The following FSIP1 variants were observed in gnomAD, a reference collection of about 807,000 sequenced individuals.
FSIP1 encodes the protein fibrous sheath interacting protein 1, also known as fibrous sheath-interacting protein 1.
Under a neutral mutation model 60.9 loss-of-function variants are expected in FSIP1, and 65 were observed. That is an observed-to-expected ratio of 1.07 (90% CI 0.87 to 1.31). FSIP1 has a LOEUF of 1.31. FSIP1 is among the 40% of genes most tolerant of loss of function. The probability of loss-of-function intolerance (pLI) is 0.00; values close to 1 mark genes in which losing one functional copy is unlikely to be tolerated. For synonymous variants in FSIP1, 209 were observed against 221.2 expected (o/e 0.94, Z 0.49); for missense variants, 675 against 665.5 (o/e 1.01, Z -0.16).
intron 9 of FSIP1, among the ~76,000 whole-genome samples, chr15:39,723,084 T>A (rs1896047342): frequency 6.6e-6 from 1 of 152,192 alleles, no homozygotes; most frequent in Admixed American, 6.5e-5. Context: ...TGCTAAACAC[T>A]TTATGTATAT....
chr15:39,682,157 A>G (rs1366896829), intron 10 of FSIP1, among the ~76,000 whole-genome samples: 3 of 152,208 alleles, frequency 2.0e-5, no homozygotes, highest in Non-Finnish European at 2.9e-5. Context: ...TACAAATGAT[A>G]TACTGTAATT....
chr15:39,605,209 T>G lies in FSIP1; in HGVS notation c.1700-4283A>C, dbSNP rs77710895. ...GCTTTCTTTCATCTAAACTGAAATC[T>G]ATAGTTCTCAAGTGTTCACAGTGAA... On this transcript the variant is annotated intron_variant, in intron 11 of 11. Transcript: ENST00000350221. 2.7e-3 allele frequency among the ~76,000 whole-genome samples: 409 copies of G among 152,344 alleles called. 2 individuals are homozygous for G. The highest frequency in any genetic ancestry group is 9.2e-3 in the African/African-American group (383 of 41,586).
chr15:39,680,643 CTG>C (rs1025112761), intron 10 of FSIP1, among the ~76,000 whole-genome samples: 86 of 152,314 alleles, frequency 5.6e-4, no homozygotes, highest in African/African-American at 2.1e-3. Context: ...TCCTTGGTAA[CTG>C]TAGAACCACA....
chr15:39,651,263 G>T (rs1326520899), intron 10 of FSIP1, among the ~76,000 whole-genome samples: 1 of 152,152 alleles, frequency 6.6e-6, no homozygotes, highest in Non-Finnish European at 1.5e-5. Context: ...ACTGGAAAAA[G>T]ATCATCACAA....
At chr15:39,775,330 A>C (rs1595408910) in intron 2 of FSIP1, among the ~76,000 whole-genome samples, 1 of 152,106 alleles carries the variant, frequency 6.6e-6, no homozygotes, top group African/African-American at 2.4e-5. Flanking sequence ...ATAATGCAGA[A>C]TCTAGTCTAC....
At chr15:39,714,233 A>G (rs1408710481) in intron 9 of FSIP1, among the ~76,000 whole-genome samples, 1 of 152,184 alleles carries the variant, frequency 6.6e-6, no homozygotes, top group Non-Finnish European at 1.5e-5. Context: ...AGTATTACAT[A>G]ATGAAAGTAC....
At chr15:39,724,178 T>C (rs970764415) in intron 9 of FSIP1, among the ~76,000 whole-genome samples, 3 of 152,266 alleles carry the variant, frequency 2.0e-5, no homozygotes, top group Middle Eastern at 3.4e-3. Flanking sequence ...ATTTTTAAAA[T>C]ATCTTATCTG....
intron 10 of FSIP1, among the ~76,000 whole-genome samples, chr15:39,695,370 G>A (rs1427972077): frequency 6.6e-6 from 1 of 151,388 alleles, no homozygotes; most frequent in Non-Finnish European, 1.5e-5. Flanking sequence ...CTCTCTAAAT[G>A]ATAACTCACA....
chr15:39,658,990 G>C (rs538152120), intron 10 of FSIP1, among the ~76,000 whole-genome samples: 4 of 152,320 alleles, frequency 2.6e-5, no homozygotes, highest in African/African-American at 9.6e-5. Context: ...AAGGAATGAA[G>C]TACTAATACA....
At chr15:39,716,425 A>G (rs7181354) in intron 9 of FSIP1, among the ~76,000 whole-genome samples, 18,913 of 152,256 alleles carry the variant, frequency 0.12, 1,404 homozygotes, top group African/African-American at 0.2. Context: ...ACAAACCACC[A>G]ACTGAGAGAA....
At chr15:39,690,960 C>T (rs1809619293) in intron 10 of FSIP1, among the ~76,000 whole-genome samples, 3 of 152,162 alleles carry the variant, frequency 2.0e-5, no homozygotes, top group African/African-American at 7.2e-5. Context: ...GGGACCTCTG[C>T]TGGGACAACA....
chr15:39,751,535 G>C (rs1043695864), intron 5 of FSIP1, among the ~76,000 whole-genome samples: 1 of 151,190 alleles, frequency 6.6e-6, no homozygotes, highest in African/African-American at 2.4e-5. Flanking sequence ...AATACTATGT[G>C]AAATAAGCCA....
At chr15:39,694,555 C>T (rs2140510823) in intron 10 of FSIP1, among the ~76,000 whole-genome samples, 1 of 152,232 alleles carries the variant, frequency 6.6e-6, no homozygotes, top group African/African-American at 2.4e-5. Flanking sequence ...AATCCCAGCA[C>T]TTTGGGAGGC....
chr15:39,772,585 G>A lies in FSIP1; in HGVS notation c.127-1975C>T, dbSNP rs149241772. On this transcript the variant is annotated intron_variant, in intron 2 of 11. Transcript: ENST00000350221. ...GCTGAGATTACAGATGTGAGCCACC[G>A]TGCCCAGCCTATTTTTATTTTTTGA... Among the ~76,000 whole-genome samples, 714 of 150,540 alleles carry A rather than the reference G, an allele frequency of 4.7e-3. 5 individuals are homozygous for A. The highest frequency in any genetic ancestry group is 0.016 in the African/African-American group (650 of 40,854).
intron 10 of FSIP1, among the ~76,000 whole-genome samples, chr15:39,658,251 A>ATTTTT: frequency 9.5e-6 from 1 of 105,290 alleles, no homozygotes; most frequent in Non-Finnish European, 2.1e-5. Flanking sequence ...AGCAGACATG[A>ATTTTT]TTTTTTTTTT....
At chr15:39,659,803 G>C (rs915405113) in intron 10 of FSIP1, among the ~76,000 whole-genome samples, 2 of 151,880 alleles carry the variant, frequency 1.3e-5, no homozygotes, top group Non-Finnish European at 2.9e-5. Context: ...TGTTCATTCT[G>C]GAATTTTTAT....
At chr15:39,700,156 G>A (rs769035179) in intron 10 of FSIP1, among the ~76,000 whole-genome samples, 1 of 152,092 alleles carries the variant, frequency 6.6e-6, no homozygotes, top group Non-Finnish European at 1.5e-5. Context: ...TCCCTGTAAT[G>A]GCCCAAGCTT....
intron 10 of FSIP1, among the ~76,000 whole-genome samples, chr15:39,702,344 C>T (rs1368219405): frequency 8.9e-6 from 1 of 112,518 alleles, no homozygotes; most frequent in Non-Finnish European, 1.8e-5. Context: ...TGGTCACTTA[C>T]CCCTCCTGAC....
chr15:39,739,824 TAA>T, intron 6 of FSIP1, 35 bp from the exon 7 acceptor site: 1 of 1,359,884 alleles, frequency 7.4e-7, no homozygotes, highest in South Asian at 1.4e-5. Flanking sequence ...TTTTCATAAT[TAA>T]AAGTGTCAAT....
Sources: gnomAD v4.1 joint callset for allele counts (sites outside exome capture counted in the v4.1 genomes callset) on GRCh38, gnomAD v4.1.1 for gene constraint, MANE v1.5 for transcripts, NCBI Gene and HGNC (gene_info 2026-07-23, HGNC 2026-07-21) for gene names.